Variants in JADE2 observed in about 807,000 individuals in gnomAD.
JADE2 encodes jade family PHD finger 2.
JADE2 carries 13 observed loss-of-function variants against 85.7 expected under a neutral mutation model. That is an observed-to-expected ratio of 0.15 (90% CI 0.10 to 0.24). The LOEUF (loss-of-function observed/expected upper bound fraction) is 0.24. JADE2 is among the 10% of genes least tolerant of loss of function. JADE2 has a pLI of 1.00. For synonymous variants in JADE2, 440 were observed against 456.1 expected (o/e 0.96, Z 0.45); for missense variants, 846 against 1,115.9 (o/e 0.76, Z 3.45).
intron 4 of JADE2, among the ~76,000 whole-genome samples, chr5:134,554,972 C>T (rs1236873228): frequency 6.6e-6 from 1 of 152,198 alleles, no homozygotes; most frequent in Non-Finnish European, 1.5e-5. Context: ...TCGGGAAATT[C>T]TGGGGAATTC....
intron 1 of JADE2, among the ~76,000 whole-genome samples, chr5:134,535,360 G>A (rs183725304): frequency 1.3e-3 from 205 of 152,214 alleles, no homozygotes; most frequent in African/African-American, 4.6e-3. Context: ...ACCACCACTC[G>A]CAGGACTAGG....
intron 3 of JADE2, among the ~76,000 whole-genome samples, chr5:134,539,043 T>TTTTTATTTTATTTATTTATTTA (rs552925543): frequency 7.4e-6 from 1 of 134,378 alleles, no homozygotes; most frequent in Non-Finnish European, 1.6e-5. Context: ...TTTATTTTTA[T>TTTTTATTTTATTTATTTATTTA]TTTATTTATT....
intron 8 of JADE2, among the ~76,000 whole-genome samples, chr5:134,565,419 G>T (rs2149989779): frequency 6.6e-6 from 1 of 152,352 alleles, no homozygotes; most frequent in East Asian, 1.9e-4. Flanking sequence ...GGAGAGGGAA[G>T]GGGACTAAGT....
Position 134,566,597 on chromosome 5 carries a change from C to T in JADE2, c.1434+17C>T, listed in dbSNP as rs1479330445. 3 of 1,522,208 alleles carry T rather than the reference C, an allele frequency of 2.0e-6. No homozygotes were observed. Among genetic ancestry groups the T allele is most frequent in the Non-Finnish European group, 2.7e-6 (3 of 1,127,608 alleles). The allele number at this position is 1,522,208 out of a possible 1,614,324, so 94.3% of individuals were successfully genotyped here. A position where few individuals can be genotyped will look rare whatever the true frequency, so the allele number is the denominator to read the frequency against. ...CTAGAGAGGGTGAGTCCCCATGCCG[C>T]CTGCCCACCCCCTGCCTGGTGGGTC... On this transcript the variant is annotated intron_variant, in intron 9 of 11. Transcript: ENST00000681547. This position sits in a 1 kb window ranked among gnomAD's most constrained non-coding sequence, Gnocchi z 6.7.
At position 134,566,205 on chromosome 5, in the gene JADE2, T is replaced by C. The variant is rs1763631332; in HGVS notation, c.1059T>C (p.Asp353=). ...TGCGGACTATATTAGCAGACAACGATGAGGTCAAGTTCAAGTCATTCTGCC... is the reference window on the plus strand; with the variant it reads ...TGCGGACTATATTAGCAGACAACGACGAGGTCAAGTTCAAGTCATTCTGCC... The part of the protein sequence containing the change: ...LEMRTILADN[D]EVKFKSFCQE... Residue 353 remains aspartate, a synonymous_variant, in exon 9 of 12, where the codon GAT becomes GAC. Coordinates refer to ENST00000681547, the MANE Select transcript of JADE2 (RefSeq NM_001388185.1). This position sits in a 1 kb window ranked among gnomAD's most constrained non-coding sequence, Gnocchi z 6.7. 3.1e-6 allele frequency: 5 copies of C among 1,613,972 alleles called. No individual in the cohort carries two copies. In the East Asian group the frequency reaches 6.7e-5, roughly 22 times the overall value.
chr5:134,524,747 G>C (rs904496658), upstream of JADE2, among the ~76,000 whole-genome samples: 1 of 152,120 alleles, frequency 6.6e-6, no homozygotes, highest in Admixed American at 6.5e-5. Context: ...CCCTCTCTAC[G>C]GACCGCCCCT....
rs1417410436 is a variant in JADE2, at chr5:134,582,250, A to G, written c.*2933A>G. 6.6e-6 allele frequency: 1 copy of G among 152,216 alleles called. No individual in the cohort carries two copies. The highest frequency in any genetic ancestry group is 1.5e-5 in the Non-Finnish European group (1 of 68,030). 9.4% of individuals were successfully genotyped at this position (152,216 alleles called of 1,614,324 possible). ...GAGAAGAAGAAAGGTAGAAGGGTTT[A>G]TTTTATTAAATGAGCCTGACTTAGT... On this transcript the variant is annotated 3_prime_UTR_variant, in exon 12 of 12. Coordinates refer to ENST00000681547, the MANE Select transcript of JADE2 (RefSeq NM_001388185.1).
chr5:134,551,096 G>A (rs1762565111), intron 3 of JADE2, among the ~76,000 whole-genome samples: 1 of 152,184 alleles, frequency 6.6e-6, no homozygotes, highest in Non-Finnish European at 1.5e-5. Flanking sequence ...CCTTTCCTGG[G>A]GTTGGCGCCC....
In JADE2 at chr5:134,578,678, C is replaced by A. The variant is rs900922899; in HGVS notation, c.1866C>A (p.Ser622Arg). 4 of 1,613,914 alleles carry A rather than the reference C, an allele frequency of 2.5e-6. No individual in the cohort carries two copies. The highest frequency in any genetic ancestry group is 3.4e-6 in the Non-Finnish European group (4 of 1,180,020). Residue 622 changes from serine (S) to arginine (R), a missense_variant, in exon 12 of 12, where the codon AGC (serine) becomes AGA (arginine). This residue lies in a region of JADE2 where 300 missense variants were observed against 300.7 expected (regional missense o/e 1.00). Coordinates refer to ENST00000681547, the MANE Select transcript of JADE2 (RefSeq NM_001388185.1). The surrounding 1 kb of genome is among the most constrained non-coding windows in gnomAD (Gnocchi z 4.4). ...TGCAGGACGAGGAGACACTGCTCAG[C>A]TTCATGCGGGACCCCTCGCTGCGAC... The part of the protein sequence containing the change: ...ELLQDEETLL[S>R]FMRDPSLRPG...
In JADE2 at chr5:134,580,435, C is replaced by CG. The variant is rs1554131241; in HGVS notation, c.*1119dup. On this transcript the variant is annotated 3_prime_UTR_variant, in exon 12 of 12. Transcript: ENST00000681547. Reference sequence around the variant, plus strand: ...CCCCTCGCACAGCCATCCCCCCCCCCGTCCTGCCATCCCCCCCCGCCGTCC... The same window carrying CG: ...CCCCTCGCACAGCCATCCCCCCCCCCGGTCCTGCCATCCCCCCCCGCCGTCC... 4.8e-5 allele frequency: 6 copies of CG among 125,248 alleles called. No homozygotes were observed. Among genetic ancestry groups the CG allele is most frequent in the South Asian group, 3.1e-4 (1 of 3,180 alleles). 7.8% of individuals were successfully genotyped at this position (125,248 alleles called of 1,614,324 possible). A position where few individuals can be genotyped will look rare whatever the true frequency, so the allele number is the denominator to read the frequency against.
intron 7 of JADE2, 167 bp from the exon 8 acceptor site, chr5:134,564,327 C>T (rs1346482218): frequency 1.1e-5 from 6 of 539,966 alleles, no homozygotes; most frequent in South Asian, 2.4e-5. Context: ...GGAATTCCGG[C>T]CTTTGAGCCA....
intron 3 of JADE2, among the ~76,000 whole-genome samples, chr5:134,546,129 T>C (rs1421883791): frequency 1.3e-5 from 2 of 152,192 alleles, no homozygotes; most frequent in Non-Finnish European, 2.9e-5. Context: ...ACTGACTCTT[T>C]ACACAAGCAT....
rs879412586 is a variant in JADE2, at chr5:134,562,121, T to C, written c.685-79T>C. On this transcript the variant is annotated intron_variant, in intron 6 of 11. Coordinates refer to ENST00000681547, the MANE Select transcript of JADE2 (RefSeq NM_001388185.1). This position sits in a 1 kb window ranked among gnomAD's most constrained non-coding sequence, Gnocchi z 4.6. ...TAGCAGTGTAGCATGGGGCTGGCACTGGACCAAATGCAGCTGACTGCTGAC... is the reference window on the plus strand; with the variant it reads ...TAGCAGTGTAGCATGGGGCTGGCACCGGACCAAATGCAGCTGACTGCTGAC... 6.2e-5 allele frequency: 90 copies of C among 1,440,932 alleles called. No individual in the cohort carries two copies. The highest frequency in any genetic ancestry group is 7.6e-5 in the Non-Finnish European group (81 of 1,058,956). 89.3% of individuals were successfully genotyped at this position (1,440,932 alleles called of 1,614,324 possible).
upstream of JADE2, chr5:134,524,409 GTA>G (rs1760686289): frequency 6.6e-6 from 1 of 152,306 alleles, no homozygotes; most frequent in African/African-American, 2.4e-5. Context: ...GGATCCGAGC[GTA>G]CTGTTTGTGC....
chr5:134,559,408 GC>G (rs553718472), intron 4 of JADE2, among the ~76,000 whole-genome samples: 8 of 152,212 alleles, frequency 5.3e-5, no homozygotes, highest in South Asian at 2.1e-4. Flanking sequence ...CTGGCACAGG[GC>G]ATTGCCCATG....
Position 134,579,659 on chromosome 5 carries a change from C to T in JADE2, c.*342C>T, listed in dbSNP as rs1764601965. On this transcript the variant is annotated 3_prime_UTR_variant, in exon 12 of 12. Coordinates refer to ENST00000681547, the MANE Select transcript of JADE2 (RefSeq NM_001388185.1). This position sits in a 1 kb window ranked among gnomAD's most constrained non-coding sequence, Gnocchi z 4.6. Reference sequence around the variant, plus strand: ...ACTCCAGCCCACTGCCACTGGGTGACACAGACTGTCGTTTGGGCATTATTT... The same window carrying T: ...ACTCCAGCCCACTGCCACTGGGTGATACAGACTGTCGTTTGGGCATTATTT... 1 of 279,216 alleles carries T rather than the reference C, an allele frequency of 3.6e-6. No homozygotes were observed. Among genetic ancestry groups the T allele is most frequent in the Non-Finnish European group, 6.8e-6 (1 of 147,000 alleles). The allele number at this position is 279,216 out of a possible 1,614,324, so 17.3% of individuals were successfully genotyped here.
In JADE2 at chr5:134,562,136, T is replaced by C; in HGVS notation, c.685-64T>C. On this transcript the variant is annotated intron_variant, in intron 6 of 11. Transcript: ENST00000681547. This position sits in a 1 kb window ranked among gnomAD's most constrained non-coding sequence, Gnocchi z 4.6. Reference sequence around the variant, plus strand: ...GGGCTGGCACTGGACCAAATGCAGCTGACTGCTGACCAGACACAGATTGGC... The same window carrying C: ...GGGCTGGCACTGGACCAAATGCAGCCGACTGCTGACCAGACACAGATTGGC... 2 of 1,506,304 alleles carry C rather than the reference T, an allele frequency of 1.3e-6. No homozygotes were observed. Among genetic ancestry groups the C allele is most frequent in the Non-Finnish European group, 9.0e-7 (1 of 1,112,912 alleles). The allele number at this position is 1,506,304 out of a possible 1,614,324, so 93.3% of individuals were successfully genotyped here. A position where few individuals can be genotyped will look rare whatever the true frequency, so the allele number is the denominator to read the frequency against.
Position 134,579,566 on chromosome 5 carries a change from C to T in JADE2, c.*249C>T. 2.0e-6 allele frequency: 1 copy of T among 488,920 alleles called. No individual in the cohort carries two copies. The highest frequency in any genetic ancestry group is 3.6e-6 in the Non-Finnish European group (1 of 274,768). 30.3% of individuals were successfully genotyped at this position (488,920 alleles called of 1,614,324 possible). A position where few individuals can be genotyped will look rare whatever the true frequency, so the allele number is the denominator to read the frequency against. On this transcript the variant is annotated 3_prime_UTR_variant, in exon 12 of 12. Transcript: ENST00000681547. This position sits in a 1 kb window ranked among gnomAD's most constrained non-coding sequence, Gnocchi z 4.6. ...GACCCTGCCAGGTCCCGCGCACCAT[C>T]CCTGCCCTGCCCACGTGGTATTGCT...
intron 3 of JADE2, 61 bp downstream of exon 3, chr5:134,538,144 A>T: frequency 1.5e-6 from 2 of 1,343,000 alleles, no homozygotes; most frequent in Non-Finnish European, 2.1e-6. Flanking sequence ...CCCTGCGGAG[A>T]CTGGGGCAGA....
Sources: allele counts gnomAD v4.1 joint callset (sites outside exome capture counted in the v4.1 genomes callset), GRCh38; gene constraint gnomAD v4.1.1; regional missense constraint gnomAD v4.1.1; non-coding constraint Gnocchi (gnomAD v3.1); transcripts MANE v1.5; gene names NCBI Gene and HGNC (gene_info 2026-07-23, HGNC 2026-07-21).